Variants in DYNC2H1 observed in about 807,000 individuals in gnomAD.
DYNC2H1 encodes dynein cytoplasmic 2 heavy chain 1, also known as cytoplasmic dynein 2 heavy chain 1.
A neutral mutation model predicts 570.0 loss-of-function variants in DYNC2H1; 410 were observed. That is an observed-to-expected ratio of 0.72 (90% CI 0.66 to 0.78). The LOEUF (loss-of-function observed/expected upper bound fraction) is 0.78, where lower values mean the gene tolerates loss of function less well. DYNC2H1 is among the 30% of genes least tolerant of loss of function. The pLI is 0.00. For synonymous variants in DYNC2H1, 1,688 were observed against 1,677.6 expected, an observed-to-expected ratio of 1.01 and a Z score of -0.15; for missense variants, 4,865 against 5,046.4, an observed-to-expected ratio of 0.96 and a Z score of 1.09.
At position 103,468,541 on chromosome 11, in the gene DYNC2H1, T is replaced by C. The variant is rs1284280158; in HGVS notation, c.12649-48T>C. The stretch of plus-strand genomic sequence containing the variant: ...AGGTAGAATAGAGTAACCTCTGACA[T>C]TTGCGACTTTAATGCATATTTTCAT... On this transcript the variant is annotated intron_variant, in intron 87 of 88. Coordinates refer to ENST00000375735, the MANE Select transcript of DYNC2H1 (RefSeq NM_001377.3). 3.7e-6 allele frequency: 5 copies of C among 1,363,586 alleles called. 1 individual carries two copies. The South Asian group carries it at 4.9e-5, about 13-fold the overall frequency. The allele number at this position is 1,363,586 out of a possible 1,614,324, so 84.5% of individuals were successfully genotyped here.
intron 54 of DYNC2H1, among the ~76,000 whole-genome samples, chr11:103,212,679 C>T (rs1863204946): frequency 6.6e-6 from 1 of 152,052 alleles, no homozygotes. Context: ...TGTTAGAGAA[C>T]ATTTCCTCTC....
chr11:103,293,116 AT>A (rs1256179358), intron 75 of DYNC2H1, among the ~76,000 whole-genome samples: 9 of 151,928 alleles, frequency 5.9e-5, no homozygotes, highest in Admixed American at 5.2e-4. Flanking sequence ...TGTTGGTGAC[AT>A]TTTTTAGCTT....
At position 103,155,359 on chromosome 11, in the gene DYNC2H1, G is replaced by C; in HGVS notation, c.3602G>C (p.Arg1201Thr). 4 of 1,608,380 alleles carry C rather than the reference G, an allele frequency of 2.5e-6. No individual in the cohort carries two copies. Among genetic ancestry groups the C allele is most frequent in the Non-Finnish European group, 3.4e-6 (4 of 1,177,894 alleles). The change falls in exon 25 of 89, where the codon AGA (arginine) becomes ACA (threonine). Residue 1201 changes from arginine (R) to threonine (T), a missense_variant. Transcript: ENST00000375735. Reference protein sequence around the residue: ...KIVIPILKYVRGEHLSPDHWL... With the variant: ...KIVIPILKYVTGEHLSPDHWL... ...GTAATTCCTATCTTGAAATATGTGA[G>C]AGGGGAGCATCTTTCTCCAGATCAC...
chr11:103,184,653 C>T (rs1261686966), intron 40 of DYNC2H1, among the ~76,000 whole-genome samples: 1 of 151,886 alleles, frequency 6.6e-6, no homozygotes, highest in East Asian at 1.9e-4. Flanking sequence ...AGTAAATAAA[C>T]TGTATCTATT....
intron 17 of DYNC2H1, among the ~76,000 whole-genome samples, chr11:103,140,101 A>G (rs1400274225): frequency 1.3e-5 from 2 of 152,168 alleles, no homozygotes; most frequent in African/African-American, 2.4e-5. Flanking sequence ...TTTTGAGCCT[A>G]TGTTGTCTCT....
At chr11:103,131,700 G>T (rs1299328205) in intron 13 of DYNC2H1, among the ~76,000 whole-genome samples, 1 of 152,000 alleles carries the variant, frequency 6.6e-6, no homozygotes, top group Non-Finnish European at 1.5e-5. Context: ...ATTTTAAATA[G>T]ATATGAAATG....
chr11:103,221,146 G>A (rs1001798844), intron 57 of DYNC2H1, among the ~76,000 whole-genome samples: 2 of 151,872 alleles, frequency 1.3e-5, no homozygotes, highest in South Asian at 4.2e-4. Flanking sequence ...TTGTACTACC[G>A]AGAGAGGGAA....
intron 82 of DYNC2H1, among the ~76,000 whole-genome samples, chr11:103,347,604 A>G (rs918206576): frequency 1.3e-5 from 2 of 152,126 alleles, no homozygotes; most frequent in African/African-American, 4.8e-5. Context: ...TTCTTTGAAA[A>G]TGTTCATAAT....
intron 76 of DYNC2H1, among the ~76,000 whole-genome samples, chr11:103,303,518 G>T (rs1374990663): frequency 6.6e-6 from 1 of 152,060 alleles, no homozygotes; most frequent in Non-Finnish European, 1.5e-5. Flanking sequence ...TTATAAGAGG[G>T]AGGCAGGTGA....
chr11:103,391,410 C>A (rs1025530447), intron 83 of DYNC2H1, among the ~76,000 whole-genome samples: 1 of 152,106 alleles, frequency 6.6e-6, no homozygotes, highest in Non-Finnish European at 1.5e-5. Flanking sequence ...AATCTTTTTT[C>A]AAGGTTTTTA....
At position 103,145,339 on chromosome 11, in the gene DYNC2H1, A is replaced by G. The variant is rs1235324171; in HGVS notation, c.2702+1944A>G. On this transcript the variant is annotated intron_variant, in intron 18 of 88. Coordinates refer to ENST00000375735, the MANE Select transcript of DYNC2H1 (RefSeq NM_001377.3). This position sits in a 1 kb window ranked among gnomAD's most constrained non-coding sequence, Gnocchi z 4.2. ...CGTGGGTGATTTGGATACTGGTAGG[A>G]CCATTAATATTAGTTTAAAGTAAGG... is the stretch of plus-strand genomic sequence containing the variant. Among the ~76,000 whole-genome samples the G allele has an allele frequency of 6.6e-6, 1 of 152,168 alleles. No homozygotes were observed. The highest frequency in any genetic ancestry group is 1.5e-5 in the Non-Finnish European group (1 of 68,022).
chr11:103,314,322 T>A (rs1937687057), intron 79 of DYNC2H1, among the ~76,000 whole-genome samples: 1 of 152,122 alleles, frequency 6.6e-6, no homozygotes, highest in African/African-American at 2.4e-5. Context: ...CTCTGTACCT[T>A]GCTTTTTAAA....
At position 103,158,397 on chromosome 11, in the gene DYNC2H1, A is replaced by C. The variant is rs61898618; in HGVS notation, c.4128-280A>C. 0.089 allele frequency among the ~76,000 whole-genome samples: 13,523 copies of C among 152,192 alleles called. 783 individuals carry two copies. Among genetic ancestry groups the C allele is most frequent in the Non-Finnish European group, 0.12 (8,133 of 67,996 alleles). On this transcript the variant is annotated intron_variant, in intron 26 of 88. Transcript: ENST00000375735. ...CCAGGAGGCGGAGTTTGCAGTGAGCAGAGATTGCGCCACTGCACTCCAGCC... is the reference window on the plus strand; with the variant it reads ...CCAGGAGGCGGAGTTTGCAGTGAGCCGAGATTGCGCCACTGCACTCCAGCC...
At chr11:103,310,772 C>A (rs1228598607) in intron 78 of DYNC2H1, among the ~76,000 whole-genome samples, 1 of 145,348 alleles carries the variant, frequency 6.9e-6, no homozygotes, top group Non-Finnish European at 1.5e-5. Context: ...CTCACTGCAA[C>A]CTCTGCCTCC....
At chr11:103,337,644 G>T (rs1437497844) in intron 82 of DYNC2H1, among the ~76,000 whole-genome samples, 1 of 152,158 alleles carries the variant, frequency 6.6e-6, no homozygotes, top group Non-Finnish European at 1.5e-5. Flanking sequence ...TGATGTTGAG[G>T]ATTGTTTTCT....
intron 76 of DYNC2H1, among the ~76,000 whole-genome samples, chr11:103,304,304 T>C (rs1034747549): frequency 2.6e-5 from 4 of 152,286 alleles, no homozygotes; most frequent in South Asian, 4.1e-4. Context: ...TAGAGTAGAT[T>C]AGTTTATACA....
At position 103,243,194 on chromosome 11, in the gene DYNC2H1, T is replaced by C. The variant is rs542752091; in HGVS notation, c.9820-499T>C. Among the ~76,000 whole-genome samples, 3 of 152,150 alleles carry C rather than the reference T, an allele frequency of 2.0e-5. No individual in the cohort carries two copies. The highest frequency in any genetic ancestry group is 4.4e-5 in the Non-Finnish European group (3 of 68,034). On this transcript the variant is annotated intron_variant, in intron 63 of 88. Transcript: ENST00000375735. The surrounding 1 kb of genome is among the most constrained non-coding windows in gnomAD (Gnocchi z 4.8). ...GAACAATTATATTGATAATTAGCAG[T>C]GTTTTAATGATTTGCTCATACTTCT...
At chr11:103,350,702 C>T (rs1175966205) in intron 82 of DYNC2H1, among the ~76,000 whole-genome samples, 2 of 152,152 alleles carry the variant, frequency 1.3e-5, no homozygotes, top group Admixed American at 6.6e-5. Flanking sequence ...GGCTGCTCTT[C>T]CAGGCTTGTA....
intron 43 of DYNC2H1, among the ~76,000 whole-genome samples, chr11:103,188,037 G>C (rs1275749088): frequency 6.6e-6 from 1 of 151,846 alleles, no homozygotes; most frequent in Non-Finnish European, 1.5e-5. Flanking sequence ...AATCAGTGTG[G>C]AATATATTTT....
Sources: allele counts gnomAD v4.1 joint callset (sites outside exome capture counted in the v4.1 genomes callset), GRCh38; gene constraint gnomAD v4.1.1; non-coding constraint Gnocchi (gnomAD v3.1); transcripts MANE v1.5; gene names NCBI Gene and HGNC (gene_info 2026-07-23, HGNC 2026-07-21).